The following DCAF6 variants were observed in gnomAD, a reference collection of about 807,000 sequenced individuals.
DCAF6 encodes the protein DDB1- and CUL4-associated factor 6.
DCAF6 carries 54 observed loss-of-function variants against 125.1 expected under a neutral mutation model. The ratio of observed to expected loss-of-function variants is 0.43; its 90% confidence interval spans 0.35 to 0.54. The LOEUF is 0.54. DCAF6 is among the 20% of genes least tolerant of loss of function. The probability of loss-of-function intolerance (pLI) is 0.01; values close to 1 mark genes in which losing one functional copy is unlikely to be tolerated. For synonymous variants in DCAF6, 371 were observed against 390.4 expected (o/e 0.95, Z 0.58); for missense variants, 934 against 1,161.7 (o/e 0.80, Z 2.85).
the DCAF6 span, chr1:167,916,604 G>A: frequency 3.3e-5 from 5 of 152,178 alleles, no homozygotes; most frequent in African/African-American, 9.7e-5. Context: ...TGAAACTTCT[G>A]AGAAACAAGA....
At chr1:167,994,991 T>G (rs549002296) in intron 7 of DCAF6, among the ~76,000 whole-genome samples, 1 of 151,458 alleles carries the variant, frequency 6.6e-6, no homozygotes, top group African/African-American at 2.5e-5. Context: ...AAATATACTT[T>G]GAGATTTTTA....
intron 21 of DCAF6, among the ~76,000 whole-genome samples, chr1:168,073,972 C>A (rs1693475425): frequency 1.4e-5 from 2 of 143,708 alleles, no homozygotes; most frequent in African/African-American, 5.1e-5. Context: ...GTATTGAATA[C>A]ATATTTATAA....
intron 10 of DCAF6, among the ~76,000 whole-genome samples, chr1:168,011,908 G>A (rs908699559): frequency 6.6e-6 from 1 of 152,154 alleles, no homozygotes; most frequent in Non-Finnish European, 1.5e-5. Flanking sequence ...AGTAGGCAGA[G>A]GTTGCAGTGA....
At chr1:168,005,896 C>G (rs1227439121) in intron 10 of DCAF6, among the ~76,000 whole-genome samples, 3 of 152,070 alleles carry the variant, frequency 2.0e-5, no homozygotes, top group Non-Finnish European at 4.4e-5. Context: ...TCAAGGTTTT[C>G]ACACTCAGTT....
chr1:168,020,515 G>C (rs945107924), intron 11 of DCAF6, among the ~76,000 whole-genome samples: 2 of 152,040 alleles, frequency 1.3e-5, no homozygotes, highest in South Asian at 4.1e-4. Flanking sequence ...TGCTTAAAGT[G>C]TATCTTTACC....
Position 167,936,869 on chromosome 1 carries a change from C to T in DCAF6, c.-43C>T, listed in dbSNP as rs1253196577. 6.7e-7 allele frequency: 1 copy of T among 1,503,634 alleles called. No homozygotes were observed. The highest frequency in any genetic ancestry group is 9.1e-7 in the Non-Finnish European group (1 of 1,103,658). 93.1% of individuals were successfully genotyped at this position (1,503,634 alleles called of 1,614,324 possible). On this transcript the variant is annotated 5_prime_UTR_variant, in exon 1 of 22. Coordinates refer to ENST00000367840, the MANE Select transcript of DCAF6 (RefSeq NM_001198956.2). Reference sequence around the variant, plus strand: ...GGTGTCCCCTCCCCCTCCTCCCCTCCCCCACGCGGTGGTCTCCCCTCCCAC... The same window carrying T: ...GGTGTCCCCTCCCCCTCCTCCCCTCTCCCACGCGGTGGTCTCCCCTCCCAC...
the DCAF6 span, among the ~76,000 whole-genome samples, chr1:167,873,155 G>C: frequency 6.6e-6 from 1 of 152,134 alleles, no homozygotes; most frequent in Non-Finnish European, 1.5e-5. Context: ...AGAAGGTTAG[G>C]ATTCTGTTGC....
chr1:168,009,890 C>G (rs1250367436), intron 10 of DCAF6, among the ~76,000 whole-genome samples: 1 of 136,706 alleles, frequency 7.3e-6, no homozygotes, highest in East Asian at 1.9e-4. Context: ...TATTGTCTAT[C>G]TTGTTGTCTC....
chr1:167,873,414 A>C, the DCAF6 span, among the ~76,000 whole-genome samples: 4 of 152,092 alleles, frequency 2.6e-5, no homozygotes, highest in Admixed American at 2.6e-4. Flanking sequence ...ATTGTGGCCC[A>C]ATATTTCTCC....
chr1:167,962,762 C>T (rs1011101293), intron 2 of DCAF6, among the ~76,000 whole-genome samples: 2 of 152,136 alleles, frequency 1.3e-5, no homozygotes, highest in Non-Finnish European at 2.9e-5. Context: ...CAAGACCAGC[C>T]TGGCCAACGT....
intron 16 of DCAF6, 22 bp downstream of exon 16, chr1:168,045,249 A>T (rs1043659730): frequency 6.4e-7 from 1 of 1,557,740 alleles, no homozygotes; most frequent in Middle Eastern, 1.7e-4. Flanking sequence ...TTTAATTAAC[A>T]TGAACTGTAA....
At chr1:167,864,392 G>A in the DCAF6 span, among the ~76,000 whole-genome samples, 3 of 152,144 alleles carry the variant, frequency 2.0e-5, no homozygotes, top group African/African-American at 7.2e-5. Context: ...AACATTAGAG[G>A]TGGGTTGGCC....
At chr1:168,028,166 A>G (rs998615122) in intron 12 of DCAF6, among the ~76,000 whole-genome samples, 3 of 152,024 alleles carry the variant, frequency 2.0e-5, no homozygotes, top group African/African-American at 7.2e-5. Context: ...TTATCTCTCT[A>G]CTATAAGAGG....
At chr1:167,935,762 T>C (rs745793010), upstream of DCAF6, 99 of 1,565,114 alleles carry the variant, frequency 6.3e-5, no homozygotes, top group Non-Finnish European at 8.1e-5. Context: ...CGGCCTCAAT[T>C]TCTCGGGCAG....
the DCAF6 span, chr1:167,880,328 G>T: frequency 1.0e-6 from 1 of 998,164 alleles, no homozygotes; most frequent in Non-Finnish European, 1.6e-6. Flanking sequence ...ATTAGTTTAT[G>T]GCATTTCTAC....
chr1:167,874,428 A>C, the DCAF6 span, among the ~76,000 whole-genome samples: 3 of 152,240 alleles, frequency 2.0e-5, no homozygotes, highest in Non-Finnish European at 4.4e-5. Context: ...CCATAATAAG[A>C]TACCACTATA....
chr1:167,982,657 A>C (rs979254165), intron 4 of DCAF6, among the ~76,000 whole-genome samples: 1 of 152,080 alleles, frequency 6.6e-6, no homozygotes. Context: ...AGAGCTTTTT[A>C]GTTTAATTAG....
chr1:168,037,241 GAT>G (rs1298960504), intron 12 of DCAF6, among the ~76,000 whole-genome samples: 4 of 151,316 alleles, frequency 2.6e-5, no homozygotes, highest in African/African-American at 7.3e-5. Context: ...AATGAAAAAA[GAT>G]ATAAGTCCTT....
intron 10 of DCAF6, among the ~76,000 whole-genome samples, chr1:168,006,928 A>C (rs1683412223): frequency 6.6e-6 from 1 of 152,188 alleles, no homozygotes; most frequent in Non-Finnish European, 1.5e-5. Context: ...CAGTGGAATC[A>C]CTGAATGATA....
Sources: allele counts gnomAD v4.1 joint callset (sites outside exome capture counted in the v4.1 genomes callset), GRCh38; gene constraint gnomAD v4.1.1; transcripts MANE v1.5; gene names NCBI Gene and HGNC (gene_info 2026-07-23, HGNC 2026-07-21).